ACSL3: variants seen among roughly 807,000 people sequenced by gnomAD.
The protein encoded by ACSL3 is fatty acid CoA ligase Acsl3.
ACSL3 carries 34 observed loss-of-function variants against 84.7 expected under a neutral mutation model. The observed-to-expected ratio is 0.40, with a 90% CI of 0.31 to 0.53. The LOEUF is 0.53. Among genes scored for constraint, ACSL3 ranks in the 20% least tolerant of loss-of-function variants. The pLI is 0.48. For synonymous variants in ACSL3, 315 were observed against 299.4 expected, an observed-to-expected ratio of 1.05 and a Z score of -0.54; for missense variants, 680 against 873.1, an observed-to-expected ratio of 0.78 and a Z score of 2.79.
chr2:222,912,923 C>T (rs1696483266), intron 4 of ACSL3, among the ~76,000 whole-genome samples: 1 of 152,156 alleles, frequency 6.6e-6, no homozygotes, highest in African/African-American at 2.4e-5. Context: ...CACCTGATTC[C>T]AGTGTTCCCA....
rs1026839325 is a variant in ACSL3, at chr2:222,861,135, C to G, written c.-330C>G. ...GGACGGGGTCGCATACGTTCGTCCCCTCGCATTGCGGCCCCGACAGCTGCG... is the reference window on the plus strand; with the variant it reads ...GGACGGGGTCGCATACGTTCGTCCCGTCGCATTGCGGCCCCGACAGCTGCG... On this transcript the variant is annotated 5_prime_UTR_variant, in exon 1 of 17. Coordinates refer to ENST00000357430, the MANE Select transcript of ACSL3 (RefSeq NM_004457.5). The G allele has an allele frequency of 6.6e-6, 1 of 152,326 alleles. No homozygotes were observed. The highest frequency in any genetic ancestry group is 2.4e-5 in the African/African-American group (1 of 41,458). 9.4% of individuals were successfully genotyped at this position (152,326 alleles called of 1,614,324 possible).
chr2:222,930,877 ATATTT>A, intron 14 of ACSL3, 65 bp downstream of exon 14: 1 of 1,411,654 alleles, frequency 7.1e-7, no homozygotes, highest in Non-Finnish European at 9.7e-7. Flanking sequence ...GAAGCACAAT[ATATTT>A]AGAGGAGGCG....
chr2:222,869,487 A>G lies in ACSL3; in HGVS notation c.-207+8229A>G, dbSNP rs139220167. ...ACAAGACATTCTGAACCAGTGTGTG[A>G]GTGAACCCATTATATTAATAAAAAT... On this transcript the variant is annotated intron_variant, in intron 1 of 16. Transcript: ENST00000357430. Among the ~76,000 whole-genome samples, 828 of 152,300 alleles carry G rather than the reference A, an allele frequency of 5.4e-3. 9 individuals are homozygous for G. Among genetic ancestry groups the G allele is most frequent in the Non-Finnish European group, 5.0e-3 (338 of 68,036 alleles).
intron 1 of ACSL3, among the ~76,000 whole-genome samples, chr2:222,869,717 G>T (rs529144761): frequency 2.2e-4 from 34 of 152,226 alleles, no homozygotes; most frequent in African/African-American, 7.0e-4. Flanking sequence ...TGTGAGGAAG[G>T]TATTCACATA....
At chr2:222,873,571 C>T (rs1183828068) in intron 1 of ACSL3, among the ~76,000 whole-genome samples, 1 of 152,126 alleles carries the variant, frequency 6.6e-6, no homozygotes, top group South Asian at 2.1e-4. Flanking sequence ...ATTCTACATT[C>T]TAGATATAGC....
chr2:222,900,891 T>G (rs761273908), intron 3 of ACSL3, 111 bp downstream of exon 3: 1 of 152,234 alleles, frequency 6.6e-6, no homozygotes, highest in Non-Finnish European at 1.5e-5. Flanking sequence ...TTGTGTACAT[T>G]AGAATGCAAA....
intron 1 of ACSL3, among the ~76,000 whole-genome samples, chr2:222,881,597 A>G (rs923245065): frequency 1.3e-5 from 2 of 152,020 alleles, no homozygotes; most frequent in African/African-American, 4.8e-5. Context: ...GTTTACTGCA[A>G]CCTCCGCTTC....
chr2:222,878,246 AGT>A (rs1470222098), intron 1 of ACSL3, among the ~76,000 whole-genome samples: 3 of 152,232 alleles, frequency 2.0e-5, no homozygotes, highest in African/African-American at 4.8e-5. Context: ...CAGAATGACC[AGT>A]ATATACTTAT....
chr2:222,930,502 T>C, intron 13 of ACSL3, 119 bp from the exon 14 acceptor site: 2 of 846,408 alleles, frequency 2.4e-6, no homozygotes, highest in Non-Finnish European at 1.7e-6. Flanking sequence ...AGTGTCTGCC[T>C]TTTTTCCTTT....
In ACSL3 at chr2:222,922,706, A is replaced by G. The variant is rs1411859472; in HGVS notation, c.957-2A>G. 1 of 1,613,752 alleles carries G rather than the reference A, an allele frequency of 6.2e-7. No homozygotes were observed. The highest frequency in any genetic ancestry group is 8.5e-7 in the Non-Finnish European group (1 of 1,179,862). ...GTTTCTGACGTCTCCCTTTTCTTTT[A>G]GAGAGGAAGATGTCTACATTGGATA... is the stretch of plus-strand genomic sequence containing the variant. On this transcript the variant is annotated splice_acceptor_variant, in intron 8 of 16. Coordinates refer to ENST00000357430, the MANE Select transcript of ACSL3 (RefSeq NM_004457.5). LOFTEE classifies it high-confidence loss of function.
At chr2:222,941,405 A>G in intron 16 of ACSL3, 92 bp from the exon 17 acceptor site, 1 of 1,055,574 alleles carries the variant, frequency 9.5e-7, no homozygotes. Context: ...TTGGTTGTGC[A>G]TTTTGATGGA....
chr2:222,880,955 G>A (rs795890), intron 1 of ACSL3, among the ~76,000 whole-genome samples: 137,750 of 152,254 alleles, frequency 0.9, 62,428 homozygotes, highest in East Asian at 0.97. Context: ...TTCTTGTCAG[G>A]CAGGCACTTA....
intron 1 of ACSL3, among the ~76,000 whole-genome samples, chr2:222,870,079 C>T (rs1695258567): frequency 6.7e-6 from 1 of 150,180 alleles, no homozygotes; most frequent in Non-Finnish European, 1.5e-5. Flanking sequence ...ATTGTCTGTG[C>T]CATTTAGTCT....
intron 5 of ACSL3, 185 bp downstream of exon 5, chr2:222,916,681 C>A: frequency 3.3e-6 from 2 of 600,828 alleles, no homozygotes; most frequent in Non-Finnish European, 5.3e-6. Context: ...ACAAATTGTA[C>A]CAATCAGTGT....
At chr2:222,923,557 A>G (rs1191075051) in intron 10 of ACSL3, among the ~76,000 whole-genome samples, 3 of 152,310 alleles carry the variant, frequency 2.0e-5, no homozygotes, top group Non-Finnish European at 1.5e-5. Flanking sequence ...CTAAACACCA[A>G]ACAAAGTGAC....
intron 3 of ACSL3, among the ~76,000 whole-genome samples, chr2:222,908,154 A>G (rs1023369815): frequency 6.6e-6 from 1 of 152,262 alleles, no homozygotes; most frequent in Non-Finnish European, 1.5e-5. Context: ...AATGCAAAGT[A>G]CAGAATGACC....
At chr2:222,922,664 G>A (rs753504707) in intron 8 of ACSL3, 44 bp from the exon 9 acceptor site, 3 of 1,610,732 alleles carry the variant, frequency 1.9e-6, no homozygotes, top group East Asian at 4.5e-5. Context: ...TTTTGGCATA[G>A]ACGACACCTG....
intron 16 of ACSL3, among the ~76,000 whole-genome samples, chr2:222,940,753 A>G (rs1161626322): frequency 2.0e-5 from 3 of 152,216 alleles, no homozygotes; most frequent in Non-Finnish European, 4.4e-5. Context: ...ATAGTAGGCT[A>G]TACCATCGAC....
At chr2:222,868,049 T>G (rs1695201746) in intron 1 of ACSL3, among the ~76,000 whole-genome samples, 1 of 152,102 alleles carries the variant, frequency 6.6e-6, no homozygotes, top group Non-Finnish European at 1.5e-5. Context: ...CAGATATATA[T>G]TATTTTACTT....
Sources: gnomAD v4.1 joint callset for allele counts (sites outside exome capture counted in the v4.1 genomes callset) on GRCh38, gnomAD v4.1.1 for gene constraint, MANE v1.5 for transcripts, NCBI Gene and HGNC (gene_info 2026-07-23, HGNC 2026-07-21) for gene names.